The following REXO4 variants were observed in gnomAD, a reference collection of about 807,000 sequenced individuals.
REXO4 encodes REX4 homolog, 3'-5' exonuclease.
In REXO4, 29 loss-of-function variants were observed where a neutral mutation model predicts 39.9. The ratio of observed to expected loss-of-function variants is 0.73; its 90% CI spans 0.54 to 0.99. The LOEUF (loss-of-function observed/expected upper bound fraction) is 0.99. REXO4 is among the 50% of genes least tolerant of loss of function. REXO4 has a pLI of 0.00. For synonymous variants in REXO4, 184 were observed against 206.2 expected, an observed-to-expected ratio of 0.89 and a Z score of 0.92; for missense variants, 524 against 546.5, an observed-to-expected ratio of 0.96 and a Z score of 0.41.
chr9:133,406,263 C>T lies in REXO4; in HGVS notation c.*690G>A, dbSNP rs781794339. 2 of 152,526 alleles carry T rather than the reference C, an allele frequency of 1.3e-5. No homozygotes were observed. The highest frequency in any genetic ancestry group is 2.4e-5 in the African/African-American group (1 of 41,582). The allele number at this position is 152,526 out of a possible 1,614,324, so 9.4% of individuals were successfully genotyped here. The stretch of plus-strand genomic sequence containing the variant: ...CACCGGCTAGCATCACATAGCTTCT[C>T]CAGCTCAAATAGCCCAAGGTTGGCA... On this transcript the variant is annotated 3_prime_UTR_variant, in exon 8 of 8. Coordinates refer to ENST00000371942, the MANE Select transcript of REXO4 (RefSeq NM_020385.4).
Position 133,406,818 on chromosome 9 carries a change from G to T in REXO4, c.*135C>A. ...AAGAGGAAGGAGGACCTTCTCAGTA[G>T]CACCACGCCACGCCCCTCTGCCATG... On this transcript the variant is annotated 3_prime_UTR_variant, in exon 8 of 8. Transcript: ENST00000371942. 1 of 1,302,574 alleles carries T rather than the reference G, an allele frequency of 7.7e-7. No individual in the cohort carries two copies. Among genetic ancestry groups the T allele is most frequent in the Non-Finnish European group, 1.1e-6 (1 of 937,554 alleles). 80.7% of individuals were successfully genotyped at this position (1,302,574 alleles called of 1,614,324 possible). A position where few individuals can be genotyped will look rare whatever the true frequency, so the allele number is the denominator to read the frequency against.
At position 133,417,762 on chromosome 9, in the gene REXO4, C is replaced by A. The variant is rs782267475; in HGVS notation, c.83G>T (p.Arg28Leu). The change falls in exon 1 of 8, where the codon CGG (arginine) becomes CTG (leucine). Residue 28 changes from arginine (R) to leucine (L), a missense_variant. Coordinates refer to ENST00000371942, the MANE Select transcript of REXO4 (RefSeq NM_020385.4). Reference protein sequence around the residue: ...AKPGPVKTLTRKKNKKKKRFW... With the variant: ...AKPGPVKTLTLKKNKKKKRFW... The stretch of plus-strand genomic sequence containing the variant: ...CCTTTTTTTCTTCTTGTTTTTCTTC[C>A]GAGTGAGCGTCTTGACAGGACCCGG... 3.1e-6 allele frequency: 5 copies of A among 1,612,820 alleles called. No individual in the cohort carries two copies. The South Asian group carries it at 5.5e-5, about 18-fold the overall frequency.
At chr9:133,413,646 A>G (rs1839369894) in intron 2 of REXO4, among the ~76,000 whole-genome samples, 1 of 152,196 alleles carries the variant, frequency 6.6e-6, no homozygotes, top group South Asian at 2.1e-4. Flanking sequence ...CAGGCACGTA[A>G]CACCTGCCTG....
chr9:133,407,205 A>G (rs1043839638), intron 7 of REXO4, 133 bp from the exon 8 acceptor site: 2 of 1,386,602 alleles, frequency 1.4e-6, no homozygotes, highest in Admixed American at 3.8e-5. Context: ...TGGCCACGAG[A>G]TGTCACCAGG....
rs1016686462 is a variant in REXO4 at position 133,406,957 on chromosome 9, G to A, written c.1265C>T (p.Ala422Val). ...LTAPDHCSDD[A>V] ...AGCAGCAGCAGGGCAGGACTGCTAG[G>A]CGTCGTCACTGCAGTGGTCTGGAGC... is the stretch of plus-strand genomic sequence containing the variant. The change falls in exon 8 of 8, where the codon GCC (alanine) becomes GTC (valine). Residue 422 changes from alanine to valine, a missense_variant. Coordinates refer to ENST00000371942, the MANE Select transcript of REXO4 (RefSeq NM_020385.4). 3.7e-6 allele frequency: 6 copies of A among 1,610,890 alleles called. No homozygotes were observed. Among genetic ancestry groups the A allele is most frequent in the Admixed American group, 3.3e-5 (2 of 60,002 alleles).
At chr9:133,414,559 TAA>T (rs782447951) in intron 2 of REXO4, 104 bp downstream of exon 2, 1 of 967,828 alleles carries the variant, frequency 1.0e-6, no homozygotes, top group Non-Finnish European at 1.7e-6. Flanking sequence ...GACATCAGGG[TAA>T]AGTGATGGAG....
At chr9:133,411,140 A>G (rs1397788891) in intron 4 of REXO4, 67 bp from the exon 5 acceptor site, 4 of 1,309,988 alleles carry the variant, frequency 3.1e-6, no homozygotes, top group Non-Finnish European at 4.4e-6. Flanking sequence ...GTGAGGAGGC[A>G]GCCCCGCTCC....
At chr9:133,415,685 T>C (rs1349806588) in intron 1 of REXO4, 3 of 152,228 alleles carry the variant, frequency 2.0e-5, no homozygotes, top group Admixed American at 6.5e-5. Context: ...GGTAAAGAAC[T>C]GAAGGGCTGA....
chr9:133,415,902 A>C (rs1839566833), intron 1 of REXO4: 1 of 152,236 alleles, frequency 6.6e-6, no homozygotes, highest in South Asian at 2.1e-4. Context: ...GCAGAGTATT[A>C]GGAGGTTCAA....
At position 133,407,044 on chromosome 9, in the gene REXO4, A is replaced by G; in HGVS notation, c.1178T>C (p.Leu393Pro). 2 of 1,613,400 alleles carry G rather than the reference A, an allele frequency of 1.2e-6. No homozygotes were observed. The highest frequency in any genetic ancestry group is 1.7e-6 in the Non-Finnish European group (2 of 1,180,022). ...CCACTCCTTCTTCACCATGACGTAC[A>G]GCCTCATTGCTGCCTGGGCATCCTG... ...SIQDAQAAMR[L>P]YVMVKKEWES... The change falls in exon 8 of 8, where the codon CTG becomes CCG. Residue 393 changes from leucine (L) to proline (P), a missense_variant. Physicochemically the swap from Leu to Pro is moderately conservative, Grantham distance 98. Coordinates refer to ENST00000371942, the MANE Select transcript of REXO4 (RefSeq NM_020385.4).
Position 133,417,889 on chromosome 9 carries a change from G to C in REXO4, c.-45C>G. 2 of 1,555,286 alleles carry C rather than the reference G, an allele frequency of 1.3e-6. No homozygotes were observed. The highest frequency in any genetic ancestry group is 1.7e-6 in the Non-Finnish European group (2 of 1,156,062). The stretch of plus-strand genomic sequence containing the variant: ...TGGGCCGGCGGCCACCCGAGACCCC[G>C]GCCTCCCCGGGCCCGGCGCCCTGGC... On this transcript the variant is annotated 5_prime_UTR_variant, in exon 1 of 8. Transcript: ENST00000371942.
Position 133,417,518 on chromosome 9 carries a change from T to C in REXO4, c.225+102A>G, listed in dbSNP as rs939185343. On this transcript the variant is annotated intron_variant, in intron 1 of 7. Transcript: ENST00000371942. ...GCTGTTTACAAGATTTCGATTCAAA[T>C]CTGCCTTTACAGGTCTTTTGGGGCT... The C allele has an allele frequency of 3.3e-6, 4 of 1,223,092 alleles. No homozygotes were observed. The Admixed American group carries it at 6.2e-5, about 19-fold the overall frequency. 75.8% of individuals were successfully genotyped at this position (1,223,092 alleles called of 1,614,324 possible).
rs1838868781 is a variant in REXO4 at position 133,406,258 on chromosome 9, C to T, written c.*695G>A. ...AAAGCCACCGGCTAGCATCACATAG[C>T]TTCTCCAGCTCAAATAGCCCAAGGT... On this transcript the variant is annotated 3_prime_UTR_variant, in exon 8 of 8. Transcript: ENST00000371942. The T allele has an allele frequency of 6.6e-6, 1 of 152,350 alleles. No homozygotes were observed. Among genetic ancestry groups the T allele is most frequent in the Admixed American group, 6.5e-5 (1 of 15,292 alleles). 9.4% of individuals were successfully genotyped at this position (152,350 alleles called of 1,614,324 possible).
chr9:133,412,408 G>A lies in REXO4; in HGVS notation c.801C>T (p.Ile267=), dbSNP rs782227191. The A allele has an allele frequency of 8.4e-5, 135 of 1,614,010 alleles. No homozygotes were observed. Among genetic ancestry groups the A allele is most frequent in the Non-Finnish European group, 1.0e-4 (121 of 1,180,038 alleles). Reference sequence around the variant, plus strand: ...AAACGCACTTCCCATACTGGTTCACGATGGACACACGGGCGGCCATGCTCT... The same window carrying A: ...AAACGCACTTCCCATACTGGTTCACAATGGACACACGGGCGGCCATGCTCT... ...GEESMAARVS[I]VNQYGKCVYD... Residue 267 remains isoleucine, a synonymous_variant, in exon 4 of 8, where the codon ATC becomes ATT. Coordinates refer to ENST00000371942, the MANE Select transcript of REXO4 (RefSeq NM_020385.4).
intron 4 of REXO4, 65 bp from the exon 5 acceptor site, chr9:133,411,138 G>A: frequency 1.5e-6 from 2 of 1,318,096 alleles, no homozygotes; most frequent in East Asian, 2.3e-5. Flanking sequence ...CTGTGAGGAG[G>A]CAGCCCCGCT....
intron 1 of REXO4, among the ~76,000 whole-genome samples, chr9:133,416,779 T>C (rs1212822309): frequency 3.3e-5 from 5 of 152,356 alleles, no homozygotes; most frequent in African/African-American, 1.2e-4. Context: ...CCAGCCTATT[T>C]CCTCATCTGT....
Position 133,414,555 on chromosome 9 carries a change from A to G in REXO4, c.572+110T>C, listed in dbSNP as rs185136538. Reference sequence around the variant, plus strand: ...AGTAAACAAAGGAACAGACGACATCAGGGTAAAGTGATGGAGAGACTGCGG... The same window carrying G: ...AGTAAACAAAGGAACAGACGACATCGGGGTAAAGTGATGGAGAGACTGCGG... On this transcript the variant is annotated intron_variant, in intron 2 of 7. Transcript: ENST00000371942. 169 of 941,294 alleles carry G rather than the reference A, an allele frequency of 1.8e-4. No homozygotes were observed. In the African/African-American group the frequency reaches 2.3e-3, roughly 13 times the overall value. 58.3% of individuals were successfully genotyped at this position (941,294 alleles called of 1,614,324 possible).
rs587726416 is a variant in REXO4 at position 133,406,945 on chromosome 9, C to A, written c.*8G>T. The A allele has an allele frequency of 6.2e-7, 1 of 1,609,846 alleles. No individual in the cohort carries two copies. The highest frequency in any genetic ancestry group is 1.1e-5 in the South Asian group (1 of 91,076). On this transcript the variant is annotated 3_prime_UTR_variant, in exon 8 of 8. Transcript: ENST00000371942. ...TAGCGGGGCGGCAGCAGCAGCAGGG[C>A]AGGACTGCTAGGCGTCGTCACTGCA...
rs28497215 is a variant in REXO4 at position 133,411,069 on chromosome 9, T to C, written c.915A>G (p.Glu305=). 1.9e-3 allele frequency: 3,079 copies of C among 1,613,750 alleles called. 18 individuals carry two copies. Among genetic ancestry groups the C allele is most frequent in the African/African-American group, 0.018 (1,318 of 75,034 alleles). ...GIRPENLKQG[E]ELEVVQKEVA... ...CTTCCTTCTGAACAACTTCAAGCTCTTCTCCTGGAAAATCAACACAAAGAA... is the reference window on the plus strand; with the variant it reads ...CTTCCTTCTGAACAACTTCAAGCTCCTCTCCTGGAAAATCAACACAAAGAA... Residue 305 remains glutamate, a synonymous_variant, in exon 5 of 8, where the codon GAA becomes GAG. Transcript: ENST00000371942.
Sources: gnomAD v4.1 joint callset for allele counts (sites outside exome capture counted in the v4.1 genomes callset) on GRCh38, gnomAD v4.1.1 for gene constraint, MANE v1.5 for transcripts, NCBI Gene and HGNC (gene_info 2026-07-23, HGNC 2026-07-21) for gene names.